The following SBF2 variants were observed in gnomAD, a reference collection of about 807,000 sequenced individuals.
SBF2 encodes SET binding factor 2.
A neutral mutation model predicts 225.2 loss-of-function variants in SBF2; 112 were observed. That is an observed-to-expected ratio of 0.50 (90% CI 0.43 to 0.58). The LOEUF (loss-of-function observed/expected upper bound fraction) is 0.58, where lower values mean the gene tolerates loss of function less well. Among genes scored for constraint, SBF2 ranks in the 20% least tolerant of loss-of-function variants. SBF2 has a pLI of 0.00. For missense variants in SBF2, 1,996 were observed against 2,206.2 expected (o/e 0.90, Z 1.91); for synonymous variants, 763 against 773.3 (o/e 0.99, Z 0.22).
intron 16 of SBF2, among the ~76,000 whole-genome samples, chr11:9,918,839 C>T (rs534438313): frequency 7.3e-5 from 11 of 151,626 alleles, no homozygotes; most frequent in East Asian, 2.0e-4. Flanking sequence ...CCTGAGTTCA[C>T]GCCATTCTCC....
intron 1 of SBF2, among the ~76,000 whole-genome samples, chr11:10,257,585 A>G (rs1205077174): frequency 6.7e-6 from 1 of 148,290 alleles, no homozygotes; most frequent in Non-Finnish European, 1.5e-5. Flanking sequence ...AGATCACCTG[A>G]GCCCAGGAAG....
At chr11:9,908,445 G>GA (rs1391650540) in intron 16 of SBF2, among the ~76,000 whole-genome samples, 1 of 152,084 alleles carries the variant, frequency 6.6e-6, no homozygotes, top group African/African-American at 2.4e-5. Context: ...CTAACACGGT[G>GA]AAACCCCGTC....
intron 17 of SBF2, among the ~76,000 whole-genome samples, chr11:9,894,559 C>G (rs1014575662): frequency 6.6e-6 from 1 of 151,946 alleles, no homozygotes; most frequent in Non-Finnish European, 1.5e-5. Flanking sequence ...TGGTGTGTGC[C>G]TGTAGTTCCA....
intron 2 of SBF2, among the ~76,000 whole-genome samples, chr11:10,155,681 C>T (rs1450498239): frequency 6.6e-6 from 1 of 152,052 alleles, no homozygotes; most frequent in African/African-American, 2.4e-5. Context: ...TCAACTCTAC[C>T]TTATTCTAAA....
intron 2 of SBF2, among the ~76,000 whole-genome samples, chr11:10,131,605 TG>T (rs1300951062): frequency 3.3e-5 from 5 of 152,260 alleles, no homozygotes; most frequent in Admixed American, 6.5e-5. Context: ...GGCTAATTTT[TG>T]TATTTTTAGT....
chr11:9,884,545 T>C (rs1167637982), intron 17 of SBF2, among the ~76,000 whole-genome samples: 4 of 152,224 alleles, frequency 2.6e-5, no homozygotes, highest in African/African-American at 9.6e-5. Flanking sequence ...CTAACTGCAT[T>C]TTCCTCCTAC....
chr11:9,921,632 T>C (rs986769892), intron 16 of SBF2, among the ~76,000 whole-genome samples: 1 of 152,250 alleles, frequency 6.6e-6, no homozygotes, highest in Non-Finnish European at 1.5e-5. Context: ...ATTACTCTAT[T>C]TGCTTAAAGT....
chr11:9,833,659 A>G lies in SBF2; in HGVS notation c.3456-1239T>C, dbSNP rs531848082. Among the ~76,000 whole-genome samples, 6 of 152,044 alleles carry G rather than the reference A, an allele frequency of 3.9e-5. No homozygotes were observed. The South Asian group carries it at 1.2e-3, about 32-fold the overall frequency. On this transcript the variant is annotated intron_variant, in intron 26 of 39. Transcript: ENST00000256190. ...ATGGTCTCGATCTCCTGACCTCGTG[A>G]TCTGCCCACCTTGGCCTCCCAAAGT... is the stretch of plus-strand genomic sequence containing the variant.
chr11:9,812,802 TG>T (rs1158864851), intron 29 of SBF2, 94 bp from the exon 30 acceptor site: 1 of 1,284,558 alleles, frequency 7.8e-7, no homozygotes, highest in Non-Finnish European at 1.1e-6. Flanking sequence ...CAAAGTTATT[TG>T]GGGCCAAATA....
In SBF2 at chr11:9,858,268, G is replaced by C. The variant is rs895655461; in HGVS notation, c.2058C>G (p.Leu686=). The C allele has an allele frequency of 6.2e-7, 1 of 1,614,040 alleles. No individual in the cohort carries two copies. The highest frequency in any genetic ancestry group is 8.5e-7 in the Non-Finnish European group (1 of 1,180,032). The stretch of plus-strand genomic sequence containing the variant: ...GGGCATGATTGTCTTCCTTGGCTGA[G>C]AGATAAAGGGAGCGAACCTGTTCCT... ...AVQEQVRSLY[L]SAKEDNHAPH... is the part of the protein sequence containing the mutation. Residue 686 remains leucine (L), a synonymous_variant, in exon 18 of 40, where the codon CTC becomes CTG. Transcript: ENST00000256190.
intron 2 of SBF2, among the ~76,000 whole-genome samples, chr11:10,131,732 C>T (rs1357876083): frequency 3.3e-5 from 5 of 152,306 alleles, no homozygotes; most frequent in East Asian, 1.9e-4. Context: ...TGAGCCACCA[C>T]GCCCGGCCAA....
chr11:10,220,785 C>T (rs1017528561), intron 1 of SBF2, among the ~76,000 whole-genome samples: 4 of 152,104 alleles, frequency 2.6e-5, no homozygotes, highest in African/African-American at 9.7e-5. Flanking sequence ...CCATATATAC[C>T]CTATACTGTG....
intron 17 of SBF2, among the ~76,000 whole-genome samples, chr11:9,883,849 G>A (rs1363386312): frequency 6.6e-6 from 1 of 152,038 alleles, no homozygotes; most frequent in Non-Finnish European, 1.5e-5. Flanking sequence ...AAAAAAAGGG[G>A]CCCTAAGTTA....
intron 2 of SBF2, among the ~76,000 whole-genome samples, chr11:10,113,810 A>C (rs1183593552): frequency 2.0e-5 from 3 of 152,108 alleles, no homozygotes; most frequent in East Asian, 3.8e-4. Context: ...AAAAAAAAAA[A>C]AAAACTAATG....
intron 2 of SBF2, among the ~76,000 whole-genome samples, chr11:10,176,697 C>T (rs1321705329): frequency 1.3e-5 from 2 of 152,094 alleles, no homozygotes; most frequent in African/African-American, 4.8e-5. Context: ...TGGCAATAAT[C>T]AATAGCTTAC....
intron 1 of SBF2, among the ~76,000 whole-genome samples, chr11:10,268,574 T>A (rs1962205563): frequency 6.6e-6 from 1 of 152,198 alleles, no homozygotes; most frequent in South Asian, 2.1e-4. Context: ...ACTCAGTCTG[T>A]TAGGAAAATC....
chr11:10,120,227 T>G (rs1403550927), intron 2 of SBF2, among the ~76,000 whole-genome samples: 1 of 152,240 alleles, frequency 6.6e-6, no homozygotes, highest in Non-Finnish European at 1.5e-5. Flanking sequence ...AGCATAATGT[T>G]CTCATGGTTT....
At chr11:9,885,251 C>CAAAAAAAAAAA (rs71453937) in intron 17 of SBF2, among the ~76,000 whole-genome samples, 1 of 38,278 alleles carries the variant, frequency 2.6e-5, no homozygotes, top group African/African-American at 1.2e-4. Context: ...ACTTTTCCTC[C>CAAAAAAAAAAA]AAAAAAAAAA....
intron 2 of SBF2, among the ~76,000 whole-genome samples, chr11:10,082,186 A>T (rs1010993644): frequency 6.6e-6 from 1 of 152,218 alleles, no homozygotes; most frequent in Non-Finnish European, 1.5e-5. Flanking sequence ...ACCAGAAGGA[A>T]ATAGAAATTA....
Sources: allele counts gnomAD v4.1 joint callset (sites outside exome capture counted in the v4.1 genomes callset), GRCh38; gene constraint gnomAD v4.1.1; transcripts MANE v1.5; gene names NCBI Gene and HGNC (gene_info 2026-07-23, HGNC 2026-07-21).